Variants in RGS22 observed in about 807,000 individuals in gnomAD.
The protein encoded by RGS22 is regulator of G-protein signaling 22.
In RGS22, 148 loss-of-function variants were observed where a neutral mutation model predicts 172.9. The observed-to-expected ratio is 0.86, with a 90% CI of 0.75 to 0.98. The LOEUF (loss-of-function observed/expected upper bound fraction) is 0.98, where lower values mean the gene tolerates loss of function less well. RGS22 is among the 50% of genes least tolerant of loss of function. The probability of loss-of-function intolerance (pLI) is 0.00; values close to 1 mark genes in which losing one functional copy is unlikely to be tolerated. For missense variants in RGS22, 1,347 were observed against 1,440.8 expected (o/e 0.93, Z 1.05); for synonymous variants, 458 against 480.2 (o/e 0.95, Z 0.60).
Position 100,063,413 on chromosome 8 carries a change from T to A in RGS22, c.1352+3A>T. On this transcript the variant is annotated splice_donor_region_variant and intron_variant, in intron 8 of 27. Transcript: ENST00000360863. ...CTATTGAAAAATAAAAAAATAGAAT[T>A]ACCTTTGATGTCTTCCAGGATCCTT... 1 of 1,510,346 alleles carries A rather than the reference T, an allele frequency of 6.6e-7. No individual in the cohort carries two copies. The highest frequency in any genetic ancestry group is 8.9e-7 in the Non-Finnish European group (1 of 1,128,978). 93.6% of individuals were successfully genotyped at this position (1,510,346 alleles called of 1,614,324 possible).
At position 100,093,490 on chromosome 8, in the gene RGS22, T is replaced by A. The variant is rs1245086323; in HGVS notation, c.74A>T (p.Asp25Val). ...EEEFEDSLAT[D>V]DFLVDYFNEF... ...ATTAAAGTAGTCTACAAGGAAATCA[T>A]CTGTTGCCAGAGAATCTTCCTGCAA... The change falls in exon 3 of 28, where the codon GAT (aspartate) becomes GTT (valine). Residue 25 changes from aspartate (D) to valine (V), a missense_variant. By Grantham distance (152) the Asp-to-Val change is radical. Coordinates refer to ENST00000360863, the MANE Select transcript of RGS22 (RefSeq NM_015668.5). 6.3e-7 allele frequency: 1 copy of A among 1,597,650 alleles called. No homozygotes were observed.
chr8:100,040,473 T>G (rs1819983818), intron 12 of RGS22, among the ~76,000 whole-genome samples: 1 of 152,106 alleles, frequency 6.6e-6, no homozygotes, highest in African/African-American at 2.4e-5. Context: ...CTATTATAGC[T>G]ACAGAGGGTT....
intron 10 of RGS22, among the ~76,000 whole-genome samples, chr8:100,051,446 T>A (rs1461591181): frequency 3.3e-5 from 3 of 91,554 alleles, no homozygotes; most frequent in African/African-American, 1.4e-4. Flanking sequence ...ATATATTTAT[T>A]TATATTATAT....
At chr8:99,990,087 AAAT>A (rs1274410536) in intron 20 of RGS22, among the ~76,000 whole-genome samples, 1 of 152,134 alleles carries the variant, frequency 6.6e-6, no homozygotes, top group Non-Finnish European at 1.5e-5. Context: ...GAATAAAGAA[AAAT>A]ACATACTTAA....
At chr8:100,039,881 T>A in intron 13 of RGS22, 81 bp downstream of exon 13, 1 of 772,900 alleles carries the variant, frequency 1.3e-6, no homozygotes, top group Non-Finnish European at 1.9e-6. Flanking sequence ...AATATAATTA[T>A]GTGAGCACTT....
intron 2 of RGS22, among the ~76,000 whole-genome samples, chr8:100,100,331 C>T (rs530194010): frequency 8.0e-5 from 12 of 149,352 alleles, no homozygotes; most frequent in Admixed American, 4.0e-4. Context: ...ATTCTGTCAC[C>T]GAGGCTGGAG....
chr8:100,100,672 T>C (rs1813402291), intron 2 of RGS22, among the ~76,000 whole-genome samples: 2 of 152,208 alleles, frequency 1.3e-5, no homozygotes, highest in South Asian at 2.1e-4. Context: ...TATGTTACTG[T>C]ATGTTAAAAT....
intron 23 of RGS22, among the ~76,000 whole-genome samples, chr8:99,968,393 G>A (rs1403255793): frequency 6.6e-6 from 1 of 152,132 alleles, no homozygotes; most frequent in Non-Finnish European, 1.5e-5. Context: ...TTGACGAATT[G>A]ACAGAAATAG....
At chr8:100,073,673 T>C (rs2131857586) in intron 4 of RGS22, among the ~76,000 whole-genome samples, 1 of 152,262 alleles carries the variant, frequency 6.6e-6, no homozygotes, top group African/African-American at 2.4e-5. Flanking sequence ...ACATTCAATG[T>C]ATCACAGAAA....
chr8:100,001,222 ATATATATATATACAT>A (rs2131326694), intron 18 of RGS22, among the ~76,000 whole-genome samples: 3 of 135,820 alleles, frequency 2.2e-5, no homozygotes, highest in Non-Finnish European at 4.7e-5. Context: ...ATATATATAC[ATATATATATATACAT>A]TTTTTTTTTT....
In RGS22 at chr8:99,978,362, A is replaced by G. The variant is rs191229233; in HGVS notation, c.3361-287T>C. Among the ~76,000 whole-genome samples, 350 of 152,280 alleles carry G rather than the reference A, an allele frequency of 2.3e-3. 1 individual carries two copies. The highest frequency in any genetic ancestry group is 7.4e-3 in the African/African-American group (309 of 41,568). ...AATTGATTGTATTAATAAAGAATCC[A>G]TTAGGTCTTTTAAAATAAGAAATTT... On this transcript the variant is annotated intron_variant, in intron 22 of 27. Transcript: ENST00000360863.
intron 2 of RGS22, among the ~76,000 whole-genome samples, chr8:100,104,860 T>C (rs1813798729): frequency 6.6e-6 from 1 of 152,186 alleles, no homozygotes; most frequent in Non-Finnish European, 1.5e-5. Context: ...GGAATTACAA[T>C]GGAACCCAGC....
At chr8:99,999,058 C>A (rs1814697201) in intron 19 of RGS22, among the ~76,000 whole-genome samples, 1 of 151,242 alleles carries the variant, frequency 6.6e-6, no homozygotes, top group Non-Finnish European at 1.5e-5. Context: ...ACTTGGGAGG[C>A]TGAGGTGGGA....
At chr8:100,031,208 CAA>C (rs1275338909) in intron 14 of RGS22, among the ~76,000 whole-genome samples, 1 of 152,122 alleles carries the variant, frequency 6.6e-6, no homozygotes, top group Non-Finnish European at 1.5e-5. Flanking sequence ...ACTGACTTAA[CAA>C]AGTTTACCCA....
intron 26 of RGS22, 58 bp downstream of exon 26, chr8:99,962,629 G>A: frequency 6.5e-7 from 1 of 1,532,850 alleles, no homozygotes; most frequent in Non-Finnish European, 8.9e-7. Context: ...CCAGGTGAGA[G>A]GCAAAACTCC....
chr8:100,029,451 C>T (rs866175117), intron 14 of RGS22, among the ~76,000 whole-genome samples: 13 of 152,222 alleles, frequency 8.5e-5, no homozygotes, highest in Middle Eastern at 3.4e-3. Flanking sequence ...CCTGTAATCC[C>T]AGCACTTTGG....
intron 7 of RGS22, among the ~76,000 whole-genome samples, chr8:100,065,163 C>A (rs1810451531): frequency 6.6e-6 from 1 of 152,184 alleles, no homozygotes; most frequent in African/African-American, 2.4e-5. Flanking sequence ...GGAAACATTT[C>A]ATTACAATTT....
At chr8:99,996,260 A>G (rs1377492708) in intron 20 of RGS22, among the ~76,000 whole-genome samples, 1 of 152,140 alleles carries the variant, frequency 6.6e-6, no homozygotes, top group African/African-American at 2.4e-5. Context: ...TAAAGTATGT[A>G]TATAAAAAAA....
At chr8:100,010,538 A>C (rs886383481) in intron 14 of RGS22, among the ~76,000 whole-genome samples, 2 of 152,114 alleles carry the variant, frequency 1.3e-5, no homozygotes, top group African/African-American at 4.8e-5. Flanking sequence ...TTTCACTCAC[A>C]TTCTCCCCCA....
Sources: gnomAD v4.1 joint callset for allele counts (sites outside exome capture counted in the v4.1 genomes callset) on GRCh38, gnomAD v4.1.1 for gene constraint, MANE v1.5 for transcripts, NCBI Gene and HGNC (gene_info 2026-07-23, HGNC 2026-07-21) for gene names.